STIM1: variants seen among roughly 807,000 people sequenced by gnomAD.
STIM1 encodes stromal interaction molecule 1.
A neutral mutation model predicts 74.7 loss-of-function variants in STIM1; 25 were observed. The ratio of observed to expected loss-of-function variants is 0.33; its 90% CI spans 0.24 to 0.47. STIM1 has a LOEUF of 0.47. Among genes scored for constraint, STIM1 ranks in the 20% least tolerant of loss-of-function variants. The pLI is 1.00. For missense variants in STIM1, 728 were observed against 920.8 expected, an observed-to-expected ratio of 0.79 and a Z score of 2.71; for synonymous variants, 328 against 348.8, an observed-to-expected ratio of 0.94 and a Z score of 0.66.
chr11:4,073,048 G>GTTTTTTTTTTTT (rs56009858), intron 6 of STIM1, among the ~76,000 whole-genome samples: 1 of 82,802 alleles, frequency 1.2e-5, no homozygotes, highest in Non-Finnish European at 2.2e-5. Flanking sequence ...GGACTTAGAG[G>GTTTTTTTTTTTT]TTTTTTTTTT....
intron 2 of STIM1, among the ~76,000 whole-genome samples, chr11:3,993,065 GAA>G (rs200224671): frequency 5.5e-4 from 73 of 132,730 alleles, no homozygotes; most frequent in East Asian, 1.3e-3. Flanking sequence ...GAGCTTTTTT[GAA>G]AAAAAAAAAA....
intron 1 of STIM1, among the ~76,000 whole-genome samples, chr11:3,872,523 C>CTT (rs574634847): frequency 2.9e-4 from 37 of 129,342 alleles, no homozygotes; most frequent in African/African-American, 4.2e-4. Context: ...TTCTTTTTTT[C>CTT]TTTTTTTTTT....
rs563751129 is a variant in STIM1, at chr11:4,024,056, C to T, written c.385+69C>T. On this transcript the variant is annotated intron_variant, in intron 3 of 12. Transcript: ENST00000526596. The stretch of plus-strand genomic sequence containing the variant: ...AGAGAAGAGAGAAGCAGCAACTTGG[C>T]CTTAGAAGAACATGTATATAAAATG... 2.3e-6 allele frequency: 3 copies of T among 1,318,578 alleles called. No individual in the cohort carries two copies. In the African/African-American group the frequency reaches 4.3e-5, roughly 19 times the overall value. 81.7% of individuals were successfully genotyped at this position (1,318,578 alleles called of 1,614,324 possible).
chr11:3,876,620 G>C (rs948952048), intron 1 of STIM1, among the ~76,000 whole-genome samples: 6 of 152,080 alleles, frequency 3.9e-5, no homozygotes, highest in African/African-American at 9.7e-5. Flanking sequence ...TGTTGCCCAG[G>C]CTGGTCTCGA....
rs1351535930 is a variant in STIM1, at chr11:4,083,303, C to T, written c.1279C>T (p.Leu427=). ...GGTGACAGCAGCATTGCGGGAGCGC[C>T]TGCACCGCTGGCAACAGATCGAGAT... ...SEVTAALRER[L]HRWQQIEILC... is the part of the protein sequence containing the mutation. Residue 427 remains leucine, a synonymous_variant, in exon 10 of 13, where the codon CTG becomes TTG. Coordinates refer to ENST00000526596, the MANE Select transcript of STIM1 (RefSeq NM_001382567.1). The T allele has an allele frequency of 6.2e-7, 1 of 1,614,254 alleles. No homozygotes were observed. Among genetic ancestry groups the T allele is most frequent in the African/African-American group, 1.3e-5 (1 of 75,068 alleles).
At chr11:3,900,405 G>A (rs536966242) in intron 1 of STIM1, among the ~76,000 whole-genome samples, 8 of 152,270 alleles carry the variant, frequency 5.3e-5, no homozygotes, top group East Asian at 3.9e-4. Context: ...GCAATGCCTC[G>A]CCCTGCTTCG....
chr11:4,023,840 A>G, intron 2 of STIM1, 33 bp from the exon 3 acceptor site: 1 of 1,570,594 alleles, frequency 6.4e-7, no homozygotes, highest in Non-Finnish European at 8.8e-7. Flanking sequence ...ACTCCTAGGT[A>G]TCTCTTGTGA....
chr11:3,921,270 T>TTA (rs2135522266), intron 1 of STIM1, among the ~76,000 whole-genome samples: 1 of 152,348 alleles, frequency 6.6e-6, no homozygotes, highest in East Asian at 1.9e-4. Flanking sequence ...CTAGAGCAGG[T>TTA]TATACTTCGA....
chr11:4,064,464 C>G (rs940633158), intron 5 of STIM1, among the ~76,000 whole-genome samples: 1 of 152,212 alleles, frequency 6.6e-6, no homozygotes, highest in African/African-American at 2.4e-5. Context: ...TGAGCAGACA[C>G]TTAGACCTCA....
At chr11:3,868,077 G>T (rs190497375) in intron 1 of STIM1, 1 of 152,184 alleles carries the variant, frequency 6.6e-6, no homozygotes, top group Non-Finnish European at 1.5e-5. Context: ...GGGGAGATGG[G>T]TGGCCTTCAG....
chr11:4,010,036 C>T (rs553248816), intron 2 of STIM1, among the ~76,000 whole-genome samples: 3 of 152,232 alleles, frequency 2.0e-5, no homozygotes, highest in Admixed American at 6.5e-5. Flanking sequence ...TAGTCTTGAA[C>T]TCCTGGGCTC....
At chr11:4,032,700 T>G (rs138571788) in intron 3 of STIM1, among the ~76,000 whole-genome samples, 1 of 152,322 alleles carries the variant, frequency 6.6e-6, no homozygotes, top group African/African-American at 2.4e-5. Flanking sequence ...TGGGTACTAT[T>G]TTTTGGTCTT....
chr11:3,889,688 A>C (rs1275474827), intron 1 of STIM1, among the ~76,000 whole-genome samples: 1 of 152,194 alleles, frequency 6.6e-6, no homozygotes, highest in African/African-American at 2.4e-5. Context: ...TATTAGCCGT[A>C]TCTAGGCGCT....
At chr11:3,928,635 T>C (rs1356459102) in intron 1 of STIM1, among the ~76,000 whole-genome samples, 1 of 152,126 alleles carries the variant, frequency 6.6e-6, no homozygotes, top group Non-Finnish European at 1.5e-5. Flanking sequence ...ATGCATCTTA[T>C]AGAGCCCCAG....
At chr11:3,979,498 T>C (rs2093481013) in intron 2 of STIM1, among the ~76,000 whole-genome samples, 1 of 152,170 alleles carries the variant, frequency 6.6e-6, no homozygotes, top group South Asian at 2.1e-4. Flanking sequence ...TAGGCTGGAG[T>C]GCAGTGGCAC....
At chr11:4,016,782 G>A (rs1303626090) in intron 2 of STIM1, among the ~76,000 whole-genome samples, 1 of 152,206 alleles carries the variant, frequency 6.6e-6, no homozygotes, top group African/African-American at 2.4e-5. Flanking sequence ...AATGGTGGAT[G>A]CCCCTCCCCC....
intron 7 of STIM1, 101 bp downstream of exon 7, chr11:4,074,780 G>C: frequency 2.3e-6 from 3 of 1,305,488 alleles, no homozygotes; most frequent in Non-Finnish European, 3.2e-6. Flanking sequence ...TTTGAAATAT[G>C]ATCCAAAGAC....
chr11:3,973,075 C>A, intron 2 of STIM1: 1 of 441,182 alleles, frequency 2.3e-6, no homozygotes, highest in South Asian at 1.7e-5. Context: ...GCCCTGATTT[C>A]CATAATCCTG....
chr11:4,006,103 G>A (rs1156450169), intron 2 of STIM1, among the ~76,000 whole-genome samples: 2 of 152,182 alleles, frequency 1.3e-5, no homozygotes, highest in Non-Finnish European at 1.5e-5. Context: ...TGTTAGGAGT[G>A]ATTGGATTAT....
Sources: allele counts gnomAD v4.1 joint callset (sites outside exome capture counted in the v4.1 genomes callset), GRCh38; gene constraint gnomAD v4.1.1; transcripts MANE v1.5; gene names NCBI Gene and HGNC (gene_info 2026-07-23, HGNC 2026-07-21).